The following RAB28 variants were observed in gnomAD, a reference collection of about 807,000 sequenced individuals.
RAB28 encodes ras-related protein Rab-28.
In RAB28, 24 loss-of-function variants were observed where a neutral mutation model predicts 31.7. The ratio of observed to expected loss-of-function variants is 0.76; its 90% CI spans 0.55 to 1.06. The LOEUF (loss-of-function observed/expected upper bound fraction) is 1.06. Among genes scored for constraint, RAB28 ranks in the 50% least tolerant of loss-of-function variants. RAB28 has a pLI of 0.00. For missense variants in RAB28, 254 were observed against 258.5 expected (o/e 0.98, Z 0.12); for synonymous variants, 100 against 90.4 (o/e 1.11, Z -0.60).
intron 4 of RAB28, among the ~76,000 whole-genome samples, chr4:13,415,830 G>A (rs1218032056): frequency 6.6e-6 from 1 of 152,228 alleles, no homozygotes; most frequent in East Asian, 1.9e-4. Flanking sequence ...TCCACTGGGT[G>A]AAGCCAGCTG....
intron 4 of RAB28, among the ~76,000 whole-genome samples, chr4:13,437,556 A>G (rs1484494324): frequency 6.6e-6 from 1 of 152,090 alleles, no homozygotes; most frequent in East Asian, 1.9e-4. Flanking sequence ...GACATACAAC[A>G]CTTCTCAAAA....
intron 4 of RAB28, among the ~76,000 whole-genome samples, chr4:13,457,222 C>T (rs966501638): frequency 2.0e-5 from 3 of 152,134 alleles, no homozygotes; most frequent in Non-Finnish European, 4.4e-5. Context: ...CTTGCTTTGC[C>T]TTTAACCAGT....
chr4:13,436,541 C>G (rs1157504151), intron 4 of RAB28, among the ~76,000 whole-genome samples: 1 of 152,002 alleles, frequency 6.6e-6, no homozygotes, highest in Non-Finnish European at 1.5e-5. Flanking sequence ...AACAAATCAG[C>G]ATTTCTATAC....
chr4:13,419,101 T>C (rs1019385933), intron 4 of RAB28, among the ~76,000 whole-genome samples: 1 of 152,066 alleles, frequency 6.6e-6, no homozygotes, highest in Non-Finnish European at 1.5e-5. Flanking sequence ...GTTGCAATCC[T>C]AGCCTTTGAT....
intron 4 of RAB28, among the ~76,000 whole-genome samples, chr4:13,401,139 A>T (rs1711727697): frequency 6.6e-6 from 1 of 152,174 alleles, no homozygotes; most frequent in African/African-American, 2.4e-5. Context: ...AATTAGTATT[A>T]TTTCTTCCAT....
chr4:13,382,500 T>C (rs1048404007), intron 4 of RAB28, among the ~76,000 whole-genome samples: 2 of 151,976 alleles, frequency 1.3e-5, no homozygotes, highest in African/African-American at 4.8e-5. Flanking sequence ...TTTGCAAATC[T>C]AGTAAGCCTA....
intron 4 of RAB28, among the ~76,000 whole-genome samples, chr4:13,425,558 TAC>T (rs1713432600): frequency 1.3e-5 from 2 of 152,102 alleles, no homozygotes; most frequent in Admixed American, 1.3e-4. Context: ...TGTGCATGCA[TAC>T]ACACACATAT....
intron 6 of RAB28, among the ~76,000 whole-genome samples, chr4:13,375,189 C>T (rs1728870888): frequency 6.6e-6 from 1 of 152,140 alleles, no homozygotes; most frequent in African/African-American, 2.4e-5. Flanking sequence ...GATCAAGTTA[C>T]TGAGTCTCTC....
chr4:13,395,702 G>A (rs1427855532), intron 4 of RAB28, among the ~76,000 whole-genome samples: 2 of 152,046 alleles, frequency 1.3e-5, no homozygotes, highest in Non-Finnish European at 2.9e-5. Context: ...CATATCAAAT[G>A]TATCAGAGCT....
chr4:13,474,311 A>G lies in RAB28; in HGVS notation c.261+7T>C. The stretch of plus-strand genomic sequence containing the variant: ...CAATACTGGAATAATCAGAATTCAT[A>G]TCATACCTGTGCTCCATAGATATAT... On this transcript the variant is annotated splice_region_variant and intron_variant, in intron 3 of 6. Transcript: ENST00000330852. 6.4e-7 allele frequency: 1 copy of G among 1,552,844 alleles called. No homozygotes were observed. The highest frequency in any genetic ancestry group is 8.9e-7 in the Non-Finnish European group (1 of 1,128,716).
intron 4 of RAB28, among the ~76,000 whole-genome samples, chr4:13,415,306 C>G (rs1337530135): frequency 6.6e-6 from 1 of 152,204 alleles, no homozygotes; most frequent in Admixed American, 6.5e-5. Context: ...TTTGGCGGCA[C>G]TTGAGGAAGT....
intron 4 of RAB28, among the ~76,000 whole-genome samples, chr4:13,423,441 C>T (rs182257610): frequency 6.0e-5 from 9 of 149,146 alleles, no homozygotes; most frequent in African/African-American, 7.4e-5. Flanking sequence ...GGAGGCTGCA[C>T]GCCATTTCAC....
intron 6 of RAB28, chr4:13,369,924 T>C: frequency 6.2e-7 from 1 of 1,612,726 alleles, no homozygotes; most frequent in African/African-American, 1.3e-5. Context: ...TATGTTGATT[T>C]TCTTCTTCCG....
rs186982149 is a variant in RAB28, at chr4:13,418,344, G to A, written c.392-36750C>T. On this transcript the variant is annotated intron_variant, in intron 4 of 6. Transcript: ENST00000330852. ...AAAACACTCTTCAGGATATTATCCA[G>A]GAGAACTTCCCCAACCCAGCAAGGC... 3.9e-3 allele frequency among the ~76,000 whole-genome samples: 599 copies of A among 152,294 alleles called. 5 individuals carry two copies. Among genetic ancestry groups the A allele is most frequent in the African/African-American group, 0.014 (564 of 41,548 alleles).
At chr4:13,458,288 T>C (rs1365811449) in intron 4 of RAB28, among the ~76,000 whole-genome samples, 2 of 151,842 alleles carry the variant, frequency 1.3e-5, no homozygotes, top group Non-Finnish European at 2.9e-5. Context: ...CATTCACACC[T>C]GTGTCATCAT....
chr4:13,416,082 C>T (rs1712763825), intron 4 of RAB28, among the ~76,000 whole-genome samples: 1 of 152,160 alleles, frequency 6.6e-6, no homozygotes, highest in Non-Finnish European at 1.5e-5. Context: ...CCTGTCAAAA[C>T]AGACTCGGCT....
chr4:13,403,736 G>T (rs369163135), intron 4 of RAB28, among the ~76,000 whole-genome samples: 16 of 152,060 alleles, frequency 1.1e-4, no homozygotes, highest in African/African-American at 3.6e-4. Context: ...CTACTATTAT[G>T]CTTGGTATAT....
At chr4:13,460,622 G>T in intron 4 of RAB28, 77 bp downstream of exon 4, 1 of 1,560,920 alleles carries the variant, frequency 6.4e-7, no homozygotes, top group Non-Finnish European at 8.8e-7. Context: ...TAAATTGGGG[G>T]TGGTGGGGGG....
intron 4 of RAB28, among the ~76,000 whole-genome samples, chr4:13,410,413 G>A (rs1359291826): frequency 2.0e-5 from 3 of 151,858 alleles, no homozygotes; most frequent in African/African-American, 2.4e-5. Context: ...CCTGATTGCC[G>A]GTATGTTACC....
Sources: gnomAD v4.1 joint callset for allele counts (sites outside exome capture counted in the v4.1 genomes callset) on GRCh38, gnomAD v4.1.1 for gene constraint, MANE v1.5 for transcripts, NCBI Gene and HGNC (gene_info 2026-07-23, HGNC 2026-07-21) for gene names.